The following FSTL5 variants were observed in gnomAD, a reference collection of about 807,000 sequenced individuals.
FSTL5 encodes follistatin-related protein 5.
In FSTL5, 62 loss-of-function variants were observed where a neutral mutation model predicts 89.1. The ratio of observed to expected loss-of-function variants is 0.70; its 90% CI spans 0.57 to 0.86. The LOEUF (loss-of-function observed/expected upper bound fraction) is 0.86, where lower values mean the gene tolerates loss of function less well. Ranked by LOEUF, FSTL5 falls within the 40% of genes least tolerant of loss-of-function variation. The probability of loss-of-function intolerance (pLI) is 0.00; values close to 1 mark genes in which losing one functional copy is unlikely to be tolerated. For missense variants in FSTL5, 1,057 were observed against 1,001.6 expected (o/e 1.06, Z -0.75); for synonymous variants, 383 against 346.2 (o/e 1.11, Z -1.18).
chr4:161,456,854 C>A (rs1030248399), intron 14 of FSTL5, among the ~76,000 whole-genome samples: 6 of 152,112 alleles, frequency 3.9e-5, no homozygotes, highest in Non-Finnish European at 8.8e-5. Flanking sequence ...TCCTTTGAAC[C>A]ATTTACTGAC....
chr4:161,559,328 C>T (rs1314497369), intron 8 of FSTL5, among the ~76,000 whole-genome samples: 1 of 151,564 alleles, frequency 6.6e-6, no homozygotes, highest in Non-Finnish European at 1.5e-5. Context: ...TATTTCCTTC[C>T]ATCCTCCTCC....
chr4:162,059,761 G>C, intron 2 of FSTL5, among the ~76,000 whole-genome samples: 1 of 152,040 alleles, frequency 6.6e-6, no homozygotes, highest in East Asian at 1.9e-4. Context: ...GAAGGAGATA[G>C]GGCAGGATCA....
intron 11 of FSTL5, 76 bp from the exon 12 acceptor site, chr4:161,500,210 C>G: frequency 1.1e-6 from 1 of 934,184 alleles, no homozygotes; most frequent in Non-Finnish European, 1.6e-6. Context: ...CAGTGCCTCT[C>G]ATATCTTTAG....
intron 5 of FSTL5, among the ~76,000 whole-genome samples, chr4:161,767,048 C>T (rs1741039845): frequency 6.6e-6 from 1 of 152,080 alleles, no homozygotes. Flanking sequence ...TTTCTGTCTA[C>T]CCATAGTCTT....
chr4:162,143,817 C>A (rs962223470), intron 1 of FSTL5, among the ~76,000 whole-genome samples: 7,129 of 115,576 alleles, frequency 0.062, 346 homozygotes, highest in African/African-American at 0.13. Flanking sequence ...CACACACACA[C>A]ACATACAAAC....
chr4:161,730,536 T>C (rs1455101235), intron 6 of FSTL5, among the ~76,000 whole-genome samples: 2 of 152,184 alleles, frequency 1.3e-5, no homozygotes, highest in Non-Finnish European at 2.9e-5. Flanking sequence ...ATCAAGATTT[T>C]CCTGCAATGG....
intron 6 of FSTL5, among the ~76,000 whole-genome samples, chr4:161,696,139 G>C (rs896799450): frequency 1.2e-4 from 18 of 152,138 alleles, no homozygotes; most frequent in Non-Finnish European, 2.6e-4. Flanking sequence ...TTTTGTATAA[G>C]GTGAATGATG....
At chr4:161,457,863 T>C (rs551729123) in intron 14 of FSTL5, among the ~76,000 whole-genome samples, 4 of 152,164 alleles carry the variant, frequency 2.6e-5, no homozygotes, top group South Asian at 2.1e-4. Flanking sequence ...ACTGTGAAGA[T>C]TGTGCTTTTT....
At chr4:161,450,741 A>ATT (rs70937651) in intron 15 of FSTL5, among the ~76,000 whole-genome samples, 33 of 131,560 alleles carry the variant, frequency 2.5e-4, no homozygotes, top group African/African-American at 4.8e-4. Flanking sequence ...ATTCATCTTC[A>ATT]TTTTTTTTTT....
chr4:162,043,626 T>C (rs1560988317), intron 2 of FSTL5, among the ~76,000 whole-genome samples: 1 of 152,200 alleles, frequency 6.6e-6, no homozygotes, highest in African/African-American at 2.4e-5. Flanking sequence ...CTTTCTTTCA[T>C]GAAAGATTTC....
chr4:161,566,022 T>C (rs1732788362), intron 8 of FSTL5, among the ~76,000 whole-genome samples: 1 of 149,872 alleles, frequency 6.7e-6, no homozygotes, highest in African/African-American at 2.4e-5. Context: ...CTAATGTACA[T>C]TCCTACCAAC....
intron 4 of FSTL5, among the ~76,000 whole-genome samples, chr4:161,883,654 AT>A (rs1243673087): frequency 6.6e-6 from 1 of 152,170 alleles, no homozygotes; most frequent in Non-Finnish European, 1.5e-5. Context: ...TCAGGTACCT[AT>A]TTCTAATAAC....
At chr4:161,909,925 G>A (rs1733643155) in intron 4 of FSTL5, among the ~76,000 whole-genome samples, 1 of 151,982 alleles carries the variant, frequency 6.6e-6, no homozygotes, top group Non-Finnish European at 1.5e-5. Flanking sequence ...ACTGAATATT[G>A]AATATATGTG....
intron 3 of FSTL5, among the ~76,000 whole-genome samples, chr4:161,974,444 G>A (rs1172812522): frequency 9.4e-5 from 13 of 137,818 alleles, no homozygotes; most frequent in Non-Finnish European, 1.7e-4. Context: ...CAGAAATAAC[G>A]CCGCATATCT....
chr4:161,539,927 C>T (rs1405495091), intron 9 of FSTL5, among the ~76,000 whole-genome samples: 4 of 144,980 alleles, frequency 2.8e-5, no homozygotes, highest in Non-Finnish European at 4.5e-5. Flanking sequence ...TTTCAGGATC[C>T]ACACACTTAA....
chr4:161,942,909 A>C (rs1366866655), intron 3 of FSTL5, among the ~76,000 whole-genome samples: 1 of 152,192 alleles, frequency 6.6e-6, no homozygotes, highest in Non-Finnish European at 1.5e-5. Context: ...ATATGACATG[A>C]TCTTATATGT....
intron 6 of FSTL5, among the ~76,000 whole-genome samples, chr4:161,720,180 TA>T (rs1553960924): frequency 7.6e-6 from 1 of 131,376 alleles, no homozygotes; most frequent in Non-Finnish European, 1.6e-5. Context: ...CCAAAATATA[TA>T]ATGAAGCCCT....
At chr4:161,563,494 T>C (rs1732679676) in intron 8 of FSTL5, among the ~76,000 whole-genome samples, 1 of 152,034 alleles carries the variant, frequency 6.6e-6, no homozygotes, top group Non-Finnish European at 1.5e-5. Context: ...GTCATTGTAC[T>C]TCAAAGTTGG....
rs1399545946 is a variant in FSTL5 at position 161,755,672 on chromosome 4, A to G, written c.727+3739T>C. On this transcript the variant is annotated intron_variant, in intron 6 of 15. Transcript: ENST00000306100. The stretch of plus-strand genomic sequence containing the variant: ...AATGGTTCCTTTTTAGTCTTAATAC[A>G]TCTGTCATTTTGATCACTGTCTGTC... Among the ~76,000 whole-genome samples the G allele has an allele frequency of 2.0e-5, 3 of 152,172 alleles. No homozygotes were observed. In the South Asian group the frequency reaches 6.2e-4, roughly 32 times the overall value.
Sources: gnomAD v4.1 joint callset for allele counts (sites outside exome capture counted in the v4.1 genomes callset) on GRCh38, gnomAD v4.1.1 for gene constraint, MANE v1.5 for transcripts, NCBI Gene and HGNC (gene_info 2026-07-23, HGNC 2026-07-21) for gene names.